The following TMEM87B variants were observed in gnomAD, a reference collection of about 807,000 sequenced individuals.
The protein encoded by TMEM87B is transmembrane protein 87B.
Under a neutral mutation model 80.3 loss-of-function variants are expected in TMEM87B, and 83 were observed. That is an observed-to-expected ratio of 1.03 (90% CI 0.87 to 1.24). The LOEUF (loss-of-function observed/expected upper bound fraction) is 1.24, where lower values mean the gene tolerates loss of function less well. TMEM87B is among the 50% of genes most tolerant of loss of function. TMEM87B has a pLI of 0.00. For synonymous variants in TMEM87B, 219 were observed against 230.5 expected (o/e 0.95, Z 0.45); for missense variants, 625 against 674.4 (o/e 0.93, Z 0.81).
rs189007235 is a variant in TMEM87B at position 112,116,336 on chromosome 2, A to G, written c.*193A>G. ...GCTGACTCTTGAGTGTCAGTTGAAT[A>G]TCCATTAAATTGGATTTGGAAATAA... On this transcript the variant is annotated 3_prime_UTR_variant, in exon 19 of 19. Coordinates refer to ENST00000283206, the MANE Select transcript of TMEM87B (RefSeq NM_032824.3). 5.8e-6 allele frequency: 3 copies of G among 521,624 alleles called. No individual in the cohort carries two copies. Among genetic ancestry groups the G allele is most frequent in the African/African-American group, 3.8e-5 (2 of 52,240 alleles). The allele number at this position is 521,624 out of a possible 1,614,324, so 32.3% of individuals were successfully genotyped here. A position where few individuals can be genotyped will look rare whatever the true frequency, so the allele number is the denominator to read the frequency against.
chr2:112,097,259 A>G lies in TMEM87B; in HGVS notation c.1240A>G (p.Thr414Ala), dbSNP rs749428628. 12 of 1,608,736 alleles carry G rather than the reference A, an allele frequency of 7.5e-6. No individual in the cohort carries two copies. The East Asian group carries it at 9.0e-5, about 12-fold the overall frequency. Residue 414 changes from threonine to alanine, a missense_variant, in exon 13 of 19, where the codon ACT becomes GCT. Thr to Ala is a moderately conservative substitution (Grantham distance 58). Coordinates refer to ENST00000283206, the MANE Select transcript of TMEM87B (RefSeq NM_032824.3). ...LASIVFMGWT[T>A]KTFRIAKCQS... is the part of the protein sequence containing the mutation. ...TTCTATAGTGTTTATGGGGTGGACAACTAAGACATTTAGAATTGCAAAATG... is the reference window on the plus strand; with the variant it reads ...TTCTATAGTGTTTATGGGGTGGACAGCTAAGACATTTAGAATTGCAAAATG...
Position 112,055,473 on chromosome 2 carries a change from C to T in TMEM87B, c.-119C>T, listed in dbSNP as rs2104447151. The T allele has an allele frequency of 8.1e-7, 1 of 1,228,438 alleles. No homozygotes were observed. The highest frequency in any genetic ancestry group is 1.1e-6 in the Non-Finnish European group (1 of 935,034). 76.1% of individuals were successfully genotyped at this position (1,228,438 alleles called of 1,614,324 possible). ...GCCCAGGCCCAAGCGCGAGCCCCTC[C>T]TCCACACCCGAGTCCGAGCCCCGCG... On this transcript the variant is annotated 5_prime_UTR_variant, in exon 1 of 19. Coordinates refer to ENST00000283206, the MANE Select transcript of TMEM87B (RefSeq NM_032824.3).
intron 8 of TMEM87B, among the ~76,000 whole-genome samples, chr2:112,083,102 A>G (rs115183097): frequency 1.4e-3 from 213 of 152,356 alleles, no homozygotes; most frequent in African/African-American, 5.0e-3. Context: ...AAAAATCATT[A>G]GAAGGATGAG....
intron 15 of TMEM87B, 23 bp downstream of exon 15, chr2:112,100,718 A>G (rs773296075): frequency 6.1e-6 from 9 of 1,466,062 alleles, no homozygotes; most frequent in Non-Finnish European, 8.6e-6. Context: ...TTTTCTTTTT[A>G]AATGACCATT....
chr2:112,077,993 T>G (rs927497135), intron 6 of TMEM87B, among the ~76,000 whole-genome samples: 4 of 152,228 alleles, frequency 2.6e-5, no homozygotes, highest in Admixed American at 1.3e-4. Context: ...GCCAGTCAGC[T>G]GGCAGAAACC....
chr2:112,078,061 C>T (rs79324126), intron 6 of TMEM87B, among the ~76,000 whole-genome samples: 2,802 of 152,196 alleles, frequency 0.018, 51 homozygotes, highest in Admixed American at 0.067. Context: ...CTGCATGGCC[C>T]TTGGAGGGAA....
intron 9 of TMEM87B, among the ~76,000 whole-genome samples, chr2:112,086,573 A>G (rs1301274989): frequency 6.6e-6 from 1 of 152,192 alleles, no homozygotes; most frequent in Non-Finnish European, 1.5e-5. Flanking sequence ...ATCACTGGGC[A>G]TAACTATGGG....
chr2:112,096,606 G>A (rs185334818), intron 11 of TMEM87B, among the ~76,000 whole-genome samples: 11 of 152,230 alleles, frequency 7.2e-5, no homozygotes, highest in Admixed American at 3.9e-4. Context: ...TCTTAATTAT[G>A]GTTATTCAAA....
At chr2:112,095,552 A>T in intron 11 of TMEM87B, 16 of 780,036 alleles carry the variant, frequency 2.1e-5, no homozygotes, top group Non-Finnish European at 2.5e-5. Context: ...AAGAATTGTT[A>T]AAAGTATATG....
At chr2:112,061,907 A>G (rs1678270262) in intron 2 of TMEM87B, among the ~76,000 whole-genome samples, 1 of 152,192 alleles carries the variant, frequency 6.6e-6, no homozygotes, top group South Asian at 2.1e-4. Flanking sequence ...CAGCTATGAC[A>G]TGGGGCTGGC....
chr2:112,070,038 A>G (rs1573688950), intron 4 of TMEM87B, among the ~76,000 whole-genome samples: 2 of 151,644 alleles, frequency 1.3e-5, no homozygotes, highest in East Asian at 1.9e-4. Context: ...TTTCTTGTAA[A>G]TTTGTTTAAG....
At chr2:112,057,185 T>A (rs1039080826) in intron 1 of TMEM87B, among the ~76,000 whole-genome samples, 1 of 152,244 alleles carries the variant, frequency 6.6e-6, no homozygotes, top group African/African-American at 2.4e-5. Context: ...AGTGGACTTA[T>A]ATTTTCCACA....
At chr2:112,059,832 G>T in intron 1 of TMEM87B, 145 bp from the exon 2 acceptor site, 1 of 1,125,394 alleles carries the variant, frequency 8.9e-7, no homozygotes, top group Non-Finnish European at 1.2e-6. Context: ...TTTTAAGCAA[G>T]TTAGTGATGT....
chr2:112,059,198 C>T (rs1421532074), intron 1 of TMEM87B, among the ~76,000 whole-genome samples: 1 of 152,088 alleles, frequency 6.6e-6, no homozygotes, highest in African/African-American at 2.4e-5. Context: ...GTACATTTAA[C>T]ACAGTCTCTA....
intron 16 of TMEM87B, among the ~76,000 whole-genome samples, chr2:112,107,318 G>A (rs199713441): frequency 4.2e-5 from 6 of 142,270 alleles, no homozygotes; most frequent in African/African-American, 7.9e-5. Context: ...AGATCACACC[G>A]CTGCACTCCA....
intron 11 of TMEM87B, among the ~76,000 whole-genome samples, chr2:112,094,998 T>G (rs933094432): frequency 6.6e-6 from 1 of 151,874 alleles, no homozygotes; most frequent in African/African-American, 2.4e-5. Flanking sequence ...TCCTTTGATT[T>G]TGATGAACTT....
At chr2:112,072,210 A>C (rs1321946743) in intron 4 of TMEM87B, among the ~76,000 whole-genome samples, 1 of 152,160 alleles carries the variant, frequency 6.6e-6, no homozygotes, top group Admixed American at 6.5e-5. Flanking sequence ...TTTTTGCATC[A>C]GTGTTCATCA....
intron 4 of TMEM87B, among the ~76,000 whole-genome samples, chr2:112,073,762 T>C (rs1429729380): frequency 6.6e-6 from 1 of 152,226 alleles, no homozygotes; most frequent in African/African-American, 2.4e-5. Flanking sequence ...ACTTGCTTTA[T>C]GAATCTGGGT....
At chr2:112,057,488 C>T (rs1257776538) in intron 1 of TMEM87B, among the ~76,000 whole-genome samples, 2 of 152,304 alleles carry the variant, frequency 1.3e-5, no homozygotes, top group South Asian at 4.1e-4. Context: ...ATTGTCAAGG[C>T]TGGTCTTTAA....
Sources: allele counts gnomAD v4.1 joint callset (sites outside exome capture counted in the v4.1 genomes callset), GRCh38; gene constraint gnomAD v4.1.1; transcripts MANE v1.5; gene names NCBI Gene and HGNC (gene_info 2026-07-23, HGNC 2026-07-21).